The following AGAP1 variants were observed in gnomAD, a reference collection of about 807,000 sequenced individuals.
AGAP1 encodes arf-GAP with GTPase, ANK repeat and PH domain-containing protein 1.
A neutral mutation model predicts 105.3 loss-of-function variants in AGAP1; 29 were observed. The ratio of observed to expected loss-of-function variants is 0.28; its 90% CI spans 0.21 to 0.38. The LOEUF (loss-of-function observed/expected upper bound fraction) is 0.38, where lower values mean the gene tolerates loss of function less well. Ranked by LOEUF, AGAP1 falls within the 10% of genes least tolerant of loss-of-function variation. The probability of loss-of-function intolerance (pLI) is 1.00; values close to 1 mark genes in which losing one functional copy is unlikely to be tolerated. For missense variants in AGAP1, 998 were observed against 1,165.1 expected, an observed-to-expected ratio of 0.86 and a Z score of 2.09; for synonymous variants, 509 against 485.9, an observed-to-expected ratio of 1.05 and a Z score of -0.63.
intron 16 of AGAP1, among the ~76,000 whole-genome samples, chr2:236,115,169 G>T (rs912818885): frequency 2.0e-5 from 3 of 152,248 alleles, no homozygotes; most frequent in Non-Finnish European, 4.4e-5. Context: ...GCTTCCACGG[G>T]TGAGCTCCTG....
intron 1 of AGAP1, among the ~76,000 whole-genome samples, 192 bp downstream of exon 1, chr2:235,495,041 C>T (rs1046907866): frequency 6.6e-6 from 1 of 152,172 alleles, no homozygotes; most frequent in Non-Finnish European, 1.5e-5. Context: ...GCGCCGCGAG[C>T]TCCGCCAGGA....
At chr2:235,878,221 G>A (rs529719019) in intron 9 of AGAP1, among the ~76,000 whole-genome samples, 11 of 152,316 alleles carry the variant, frequency 7.2e-5, no homozygotes, top group Admixed American at 3.9e-4. Context: ...CACAAACACC[G>A]CGTGCACGTG....
rs1168799927 is a variant in AGAP1 at position 236,020,406 on chromosome 2, A to G, written c.1646-16155A>G. On this transcript the variant is annotated intron_variant, in intron 13 of 17. Transcript: ENST00000304032. This position sits in a 1 kb window ranked among gnomAD's most constrained non-coding sequence, Gnocchi z 5.0. Reference sequence around the variant, plus strand: ...ATTTAGAAATGAAACTTAACCTGTTATCTAGACTTTTAAACCTACCCTCCT... The same window carrying G: ...ATTTAGAAATGAAACTTAACCTGTTGTCTAGACTTTTAAACCTACCCTCCT... Among the ~76,000 whole-genome samples, 1 of 152,242 alleles carries G rather than the reference A, an allele frequency of 6.6e-6. No individual in the cohort carries two copies. Among genetic ancestry groups the G allele is most frequent in the Non-Finnish European group, 1.5e-5 (1 of 68,052 alleles).
In AGAP1 at chr2:235,824,956, T is replaced by A. The variant is rs1378764660; in HGVS notation, c.1050+17625T>A. ...CCCCTAATGGAAACCTTCCTTTTTT[T>A]ATCAACAGTGGAGGAGATTCAGGAG... On this transcript the variant is annotated intron_variant, in intron 9 of 17. Transcript: ENST00000304032. This position sits in a 1 kb window ranked among gnomAD's most constrained non-coding sequence, Gnocchi z 5.2. Among the ~76,000 whole-genome samples, 1 of 152,370 alleles carries A rather than the reference T, an allele frequency of 6.6e-6. No individual in the cohort carries two copies. The highest frequency in any genetic ancestry group is 1.5e-5 in the Non-Finnish European group (1 of 68,032).
At position 236,119,660 on chromosome 2, in the gene AGAP1, G is replaced by A. The variant is rs963874833; in HGVS notation, c.2115-532G>A. The stretch of plus-strand genomic sequence containing the variant: ...TACAGTAAAGCAACTCTCGGCCCCA[G>A]AGACCATGCTTCCATCGTGCGGTCC... On this transcript the variant is annotated intron_variant, in intron 16 of 17. Coordinates refer to ENST00000304032, the MANE Select transcript of AGAP1 (RefSeq NM_001037131.3). The surrounding 1 kb of genome is among the most constrained non-coding windows in gnomAD (Gnocchi z 6.6). 6.7e-6 allele frequency among the ~76,000 whole-genome samples: 1 copy of A among 149,698 alleles called. No homozygotes were observed. The highest frequency in any genetic ancestry group is 1.5e-5 in the Non-Finnish European group (1 of 67,780).
chr2:235,915,577 G>C (rs2051837442), intron 11 of AGAP1, among the ~76,000 whole-genome samples: 1 of 152,148 alleles, frequency 6.6e-6, no homozygotes, highest in East Asian at 1.9e-4. Context: ...GGGAGACTGA[G>C]GTGGGAGAAT....
chr2:235,816,476 T>C (rs1289540713), intron 9 of AGAP1, among the ~76,000 whole-genome samples: 1 of 145,170 alleles, frequency 6.9e-6, no homozygotes, highest in African/African-American at 2.6e-5. Context: ...AGAGCAGGAG[T>C]GCAGAGACTC....
chr2:235,801,444 A>G lies in AGAP1; in HGVS notation c.957+1922A>G, dbSNP rs1957490768. 6.6e-6 allele frequency among the ~76,000 whole-genome samples: 1 copy of G among 152,158 alleles called. No individual in the cohort carries two copies. Among genetic ancestry groups the G allele is most frequent in the Non-Finnish European group, 1.5e-5 (1 of 68,034 alleles). On this transcript the variant is annotated intron_variant, in intron 8 of 17. Transcript: ENST00000304032. The surrounding 1 kb of genome is among the most constrained non-coding windows in gnomAD (Gnocchi z 6.0). ...GTGGGTATTTAGGTTTCTGTAAAAT[A>G]CAGGTGAGTATCTCACATGCTTAAA... is the stretch of plus-strand genomic sequence containing the variant.
At chr2:235,702,654 A>G (rs7585267) in intron 1 of AGAP1, among the ~76,000 whole-genome samples, 11,628 of 152,166 alleles carry the variant, frequency 0.076, 1,462 homozygotes, top group African/African-American at 0.26. Context: ...CTTTTTTCAT[A>G]CACGTTTATG....
intron 1 of AGAP1, among the ~76,000 whole-genome samples, chr2:235,673,131 A>C (rs1010530038): frequency 3.3e-5 from 5 of 152,244 alleles, no homozygotes; most frequent in Admixed American, 6.5e-5. Flanking sequence ...TTTGGCTAAA[A>C]TGTCTGACAT....
At chr2:235,652,341 AC>A (rs1188590677) in intron 1 of AGAP1, among the ~76,000 whole-genome samples, 1 of 149,944 alleles carries the variant, frequency 6.7e-6, no homozygotes, top group Non-Finnish European at 1.5e-5. Context: ...GACCCCCCCT[AC>A]CCCCCAGGCC....
chr2:235,709,195 C>T lies in AGAP1; in HGVS notation c.180C>T (p.Ser60=). The change falls in exon 2 of 18, where the codon AGC becomes AGT. Residue 60 remains serine, a synonymous_variant. Transcript: ENST00000304032. ...VIAIEDAFVN[S]QEWTLSRSVP... is the part of the protein sequence containing the mutation. ...CTTTTTCAGATGCCTTCGTGAACAGCCAGGAATGGACGCTGAGTCGATCTG... is the reference window on the plus strand; with the variant it reads ...CTTTTTCAGATGCCTTCGTGAACAGTCAGGAATGGACGCTGAGTCGATCTG... 6 of 1,614,066 alleles carry T rather than the reference C, an allele frequency of 3.7e-6. No homozygotes were observed. The highest frequency in any genetic ancestry group is 5.1e-6 in the Non-Finnish European group (6 of 1,180,018).
chr2:235,852,891 C>T (rs1023012361), intron 9 of AGAP1: 39 of 1,335,332 alleles, frequency 2.9e-5, no homozygotes, highest in African/African-American at 1.2e-4. Context: ...CCAGATCGGC[C>T]GATAGCTTGC....
Position 236,082,054 on chromosome 2 carries a change from T to C in AGAP1, c.2114+32773T>C, listed in dbSNP as rs908694207. 1.3e-5 allele frequency among the ~76,000 whole-genome samples: 2 copies of C among 152,234 alleles called. No individual in the cohort carries two copies. Among genetic ancestry groups the C allele is most frequent in the Non-Finnish European group, 2.9e-5 (2 of 68,046 alleles). On this transcript the variant is annotated intron_variant, in intron 16 of 17. Transcript: ENST00000304032. This position sits in a 1 kb window ranked among gnomAD's most constrained non-coding sequence, Gnocchi z 4.2. ...ATGTGAAAAAAGAGTTGTTTTAATG[T>C]TGGAAAAAGGCAGCATGAAAGGTAA...
chr2:236,124,251 C>T lies in AGAP1; in HGVS notation c.*129C>T. 4 of 1,056,126 alleles carry T rather than the reference C, an allele frequency of 3.8e-6. No individual in the cohort carries two copies. Among genetic ancestry groups the T allele is most frequent in the Non-Finnish European group, 4.2e-6 (3 of 721,886 alleles). 65.4% of individuals were successfully genotyped at this position (1,056,126 alleles called of 1,614,324 possible). ...TTCCTGGTGGCCACCTCCCTCCCGC[C>T]CACCCACTCTCACCCCAAACAAAAT... is the stretch of plus-strand genomic sequence containing the variant. On this transcript the variant is annotated 3_prime_UTR_variant, in exon 18 of 18. Transcript: ENST00000304032. This position sits in a 1 kb window ranked among gnomAD's most constrained non-coding sequence, Gnocchi z 5.1.
intron 13 of AGAP1, among the ~76,000 whole-genome samples, chr2:236,004,013 G>A (rs926453637): frequency 5.3e-5 from 8 of 152,152 alleles, no homozygotes; most frequent in African/African-American, 1.9e-4. Flanking sequence ...GGTGCAATGA[G>A]CTTTGGTGAA....
Position 235,648,706 on chromosome 2 carries a change from T to G in AGAP1, c.164-60473T>G, listed in dbSNP as rs563281327. Among the ~76,000 whole-genome samples the G allele has an allele frequency of 3.3e-3, 167 of 50,098 alleles. 1 individual carries two copies. The highest frequency in any genetic ancestry group is 0.013 in the African/African-American group (154 of 11,846). The allele number at this position is 50,098 out of a possible 152,430, so 32.9% of individuals were successfully genotyped here. A position where few individuals can be genotyped will look rare whatever the true frequency, so the allele number is the denominator to read the frequency against. On this transcript the variant is annotated intron_variant, in intron 1 of 17. Coordinates refer to ENST00000304032, the MANE Select transcript of AGAP1 (RefSeq NM_001037131.3). The stretch of plus-strand genomic sequence containing the variant: ...GGCTAACATGGTGAAACCCCATCTC[T>G]ACAAAAAAAAAAAAAAAAAAAAAAA...
chr2:235,686,640 TATATA>T, intron 1 of AGAP1, among the ~76,000 whole-genome samples: 1 of 48,654 alleles, frequency 2.1e-5, no homozygotes, highest in Non-Finnish European at 3.7e-5. Flanking sequence ...TATATATATA[TATATA>T]GATATATATA....
intron 9 of AGAP1, among the ~76,000 whole-genome samples, chr2:235,841,085 T>C (rs909469466): frequency 6.6e-6 from 1 of 151,980 alleles, no homozygotes; most frequent in Non-Finnish European, 1.5e-5. Context: ...GGGTCTTTGA[T>C]GACATCAGGG....
Sources: allele counts gnomAD v4.1 joint callset (sites outside exome capture counted in the v4.1 genomes callset), GRCh38; gene constraint gnomAD v4.1.1; non-coding constraint Gnocchi (gnomAD v3.1); transcripts MANE v1.5; gene names NCBI Gene and HGNC (gene_info 2026-07-23, HGNC 2026-07-21).